SHQ1: variants seen among roughly 807,000 people sequenced by gnomAD.
SHQ1 encodes the protein protein SHQ1 homolog.
SHQ1 carries 49 observed loss-of-function variants against 53.8 expected under a neutral mutation model. That is an observed-to-expected ratio of 0.91 (90% CI 0.72 to 1.16). The LOEUF is 1.16. Ranked by LOEUF, SHQ1 falls within the 50% of genes most tolerant of loss-of-function variation. The probability of loss-of-function intolerance (pLI) is 0.00; values close to 1 mark genes in which losing one functional copy is unlikely to be tolerated. For synonymous variants in SHQ1, 243 were observed against 251.0 expected (o/e 0.97, Z 0.30); for missense variants, 738 against 683.1 (o/e 1.08, Z -0.90).
intron 10 of SHQ1, among the ~76,000 whole-genome samples, chr3:72,767,349 G>A (rs1471209843): frequency 6.6e-6 from 1 of 152,192 alleles, no homozygotes; most frequent in Non-Finnish European, 1.5e-5. Flanking sequence ...CTCTGAAGCA[G>A]GGACACCATC....
At chr3:72,811,053 G>GT (rs1295314403) in intron 9 of SHQ1, among the ~76,000 whole-genome samples, 1 of 152,180 alleles carries the variant, frequency 6.6e-6, no homozygotes, top group Non-Finnish European at 1.5e-5. Context: ...TCCTGTGTAA[G>GT]TCAAGGCAAT....
chr3:72,841,912 T>A (rs1708187960), intron 3 of SHQ1, among the ~76,000 whole-genome samples: 3 of 152,194 alleles, frequency 2.0e-5, no homozygotes, highest in African/African-American at 7.2e-5. Context: ...GCTCACCTCC[T>A]GTTGTGCAGC....
At chr3:72,830,150 G>A (rs943577945) in intron 5 of SHQ1, among the ~76,000 whole-genome samples, 1 of 149,150 alleles carries the variant, frequency 6.7e-6, no homozygotes, top group Admixed American at 6.7e-5. Flanking sequence ...ATAACATCCA[G>A]ATTTTACAAT....
At chr3:72,833,394 T>C (rs977743695) in intron 4 of SHQ1, among the ~76,000 whole-genome samples, 7 of 151,900 alleles carry the variant, frequency 4.6e-5, no homozygotes, top group African/African-American at 1.5e-4. Context: ...TGAGCCAAGA[T>C]CATGCCACTG....
chr3:72,740,766 G>A, the SHQ1 span, among the ~76,000 whole-genome samples: 9 of 152,120 alleles, frequency 5.9e-5, no homozygotes, highest in South Asian at 1.0e-3. Flanking sequence ...GCAACTCCAC[G>A]TGTCTGCATC....
the SHQ1 span, among the ~76,000 whole-genome samples, chr3:72,739,332 G>A: frequency 6.6e-6 from 1 of 151,686 alleles, no homozygotes; most frequent in Admixed American, 6.6e-5. Flanking sequence ...CCCCAGGTGC[G>A]AGTGATTCAA....
chr3:72,842,170 G>C, intron 3 of SHQ1, 110 bp downstream of exon 3: 1 of 1,216,372 alleles, frequency 8.2e-7, no homozygotes, highest in Non-Finnish European at 1.1e-6. Context: ...CCTTATACCT[G>C]AAGTATTTTC....
intron 10 of SHQ1, among the ~76,000 whole-genome samples, chr3:72,788,485 C>A (rs952380056): frequency 1.3e-5 from 2 of 151,878 alleles, no homozygotes; most frequent in African/African-American, 4.8e-5. Context: ...CGGCAGCCGC[C>A]GCGTCCGGGA....
chr3:72,840,916 T>TA (rs1708160959), intron 4 of SHQ1, 129 bp downstream of exon 4: 1 of 1,077,296 alleles, frequency 9.3e-7, no homozygotes, highest in Admixed American at 2.5e-5. Context: ...TTAGCTGTGC[T>TA]AAGTGCTTTA....
At chr3:72,843,494 C>T (rs1471365631) in intron 2 of SHQ1, among the ~76,000 whole-genome samples, 3 of 152,202 alleles carry the variant, frequency 2.0e-5, no homozygotes, top group African/African-American at 7.2e-5. Context: ...AGCACTTTGA[C>T]ATTTTAAAAC....
chr3:72,844,782 C>T (rs1210513363), intron 1 of SHQ1, among the ~76,000 whole-genome samples: 2 of 152,090 alleles, frequency 1.3e-5, no homozygotes, highest in African/African-American at 4.8e-5. Flanking sequence ...AACATGACAC[C>T]ACAAAGTGGA....
At chr3:72,818,755 G>A (rs1404058865) in intron 6 of SHQ1, among the ~76,000 whole-genome samples, 4 of 152,106 alleles carry the variant, frequency 2.6e-5, no homozygotes, top group African/African-American at 4.8e-5. Flanking sequence ...CCAGGGACTC[G>A]CCTGCTAGTT....
At chr3:72,735,043 G>A in the SHQ1 span, among the ~76,000 whole-genome samples, 19 of 151,710 alleles carry the variant, frequency 1.3e-4, no homozygotes, top group Non-Finnish European at 2.4e-4. Context: ...TTAAGTGTTG[G>A]TGTTCTAGAA....
intron 10 of SHQ1, among the ~76,000 whole-genome samples, chr3:72,789,371 T>C (rs998898264): frequency 1.3e-5 from 2 of 152,186 alleles, no homozygotes; most frequent in Non-Finnish European, 2.9e-5. Context: ...TTTTGGTCCA[T>C]GCTATCATTA....
the SHQ1 span, among the ~76,000 whole-genome samples, chr3:72,740,441 T>C: frequency 6.6e-6 from 1 of 152,250 alleles, no homozygotes; most frequent in African/African-American, 2.4e-5. Flanking sequence ...AGATAGGGCC[T>C]TTGATCACAT....
chr3:72,817,940 G>A (rs6792109), intron 6 of SHQ1, among the ~76,000 whole-genome samples: 33,058 of 151,602 alleles, frequency 0.22, 3,818 homozygotes, highest in Non-Finnish European at 0.24. Context: ...TTAGACTTGT[G>A]GGAAAAGATT....
intron 10 of SHQ1, among the ~76,000 whole-genome samples, chr3:72,773,805 C>G (rs572899253): frequency 3.9e-5 from 6 of 152,194 alleles, no homozygotes; most frequent in Non-Finnish European, 8.8e-5. Flanking sequence ...AACATGTCAA[C>G]CTGCATAACG....
chr3:72,773,830 C>T lies in SHQ1; in HGVS notation c.1181+19086G>A, dbSNP rs116007143. Among the ~76,000 whole-genome samples, 1,308 of 152,168 alleles carry T rather than the reference C, an allele frequency of 8.6e-3. 16 individuals are homozygous for T. The highest frequency in any genetic ancestry group is 0.03 in the African/African-American group (1,232 of 41,528). On this transcript the variant is annotated intron_variant, in intron 10 of 10. Transcript: ENST00000325599. The stretch of plus-strand genomic sequence containing the variant: ...CCTGCATAACGACAAGACCAAAAAC[C>T]CAAAAACATCTGAAGTCACAACTGG...
the SHQ1 span, among the ~76,000 whole-genome samples, chr3:72,733,444 C>A: frequency 1.9e-4 from 28 of 150,776 alleles, 1 homozygote; most frequent in Non-Finnish European, 3.7e-4. Context: ...GAAAAAAAAC[C>A]AAATTCTCAT....
Sources: allele counts gnomAD v4.1 joint callset (sites outside exome capture counted in the v4.1 genomes callset), GRCh38; gene constraint gnomAD v4.1.1; transcripts MANE v1.5; gene names NCBI Gene and HGNC (gene_info 2026-07-23, HGNC 2026-07-21).